The following KIF19 variants were observed in gnomAD, a reference collection of about 807,000 sequenced individuals.
KIF19 encodes kinesin family member 19.
KIF19 carries 98 observed loss-of-function variants against 106.6 expected under a neutral mutation model. That is an observed-to-expected ratio of 0.92 (90% confidence interval 0.78 to 1.09). The LOEUF (loss-of-function observed/expected upper bound fraction) is 1.09. Among genes scored for constraint, KIF19 ranks in the 50% least tolerant of loss-of-function variants. The pLI, the probability that KIF19 is intolerant of heterozygous loss-of-function variation, is 0.00. For synonymous variants in KIF19, 516 were observed against 584.2 expected (o/e 0.88, Z 1.68); for missense variants, 1,373 against 1,414.3 (o/e 0.97, Z 0.47).
intron 8 of KIF19, among the ~76,000 whole-genome samples, chr17:74,347,169 T>G (rs900232920): frequency 6.6e-6 from 1 of 152,114 alleles, no homozygotes; most frequent in Non-Finnish European, 1.5e-5. Context: ...TACTTAACAT[T>G]GCCAGCAGCT....
Position 74,353,131 on chromosome 17 carries a change from G to A in KIF19, c.2115-65G>A, listed in dbSNP as rs553294452. 23 of 1,455,086 alleles carry A rather than the reference G, an allele frequency of 1.6e-5. No individual in the cohort carries two copies. In the African/African-American group the frequency reaches 2.7e-4, roughly 17 times the overall value. The allele number at this position is 1,455,086 out of a possible 1,614,324, so 90.1% of individuals were successfully genotyped here. On this transcript the variant is annotated intron_variant, in intron 15 of 19. Transcript: ENST00000389916. ...TCACACCAACAGCTTCTCCCCTGGG[G>A]TGGGGGTGGGACCTCGGTGAGATAG...
chr17:74,347,849 T>C lies in KIF19; in HGVS notation c.997T>C (p.Ser333Pro). 6.3e-7 allele frequency: 1 copy of C among 1,586,508 alleles called. No homozygotes were observed. Among genetic ancestry groups the C allele is most frequent in the Non-Finnish European group, 8.6e-7 (1 of 1,167,044 alleles). The change falls in exon 9 of 20, where the codon TCC (serine) becomes CCC (proline). Residue 333 changes from serine (S) to proline (P), a missense_variant. Ser to Pro is a moderately conservative substitution (Grantham distance 74). Coordinates refer to ENST00000389916, the MANE Select transcript of KIF19 (RefSeq NM_153209.4). ...ISPASSAFEE[S>P]RNTLTYAGRA... The stretch of plus-strand genomic sequence containing the variant: ...TCCTGCGAGCAGTGCCTTCGAGGAG[T>C]CCCGGAACACCCTGACCTACGCCGG...
In KIF19 at chr17:74,352,062, G is replaced by C. The variant is rs765594827; in HGVS notation, c.1783G>C (p.Glu595Gln). Reference protein sequence around the residue: ...LRDGALRHRHEAVRRLEQHRS... With the variant: ...LRDGALRHRHQAVRRLEQHRS... ...CGACGGTGCGCTCCGCCACCGCCACGAGGCCGTGCGCCGCCTGGAGCAGCA... is the reference window on the plus strand; with the variant it reads ...CGACGGTGCGCTCCGCCACCGCCACCAGGCCGTGCGCCGCCTGGAGCAGCA... Residue 595 changes from glutamate (E) to glutamine (Q), a missense_variant, in exon 13 of 20, where the codon GAG (glutamate) becomes CAG (glutamine). By Grantham distance (29) the Glu-to-Gln change is conservative (BLOSUM62 2). This residue lies in a region of KIF19 where 1,020 missense variants were observed against 1,008.2 expected (regional missense o/e 1.01). Transcript: ENST00000389916. The C allele has an allele frequency of 1.9e-6, 3 of 1,589,676 alleles. No homozygotes were observed. Among genetic ancestry groups the C allele is most frequent in the Admixed American group, 1.7e-5 (1 of 57,952 alleles).
In KIF19 at chr17:74,331,288, G is replaced by C. The variant is rs1374760979; in HGVS notation, c.120+2783G>C. On this transcript the variant is annotated intron_variant, in intron 2 of 19. Transcript: ENST00000389916. The surrounding 1 kb of genome is among the most constrained non-coding windows in gnomAD (Gnocchi z 4.1). ...GTCAAAGCTCTGTCCTTCCTCCTAA[G>C]GCCTGGAGGCACCATGGACAGGTGG... Among the ~76,000 whole-genome samples, 1 of 152,102 alleles carries C rather than the reference G, an allele frequency of 6.6e-6. No homozygotes were observed. Among genetic ancestry groups the C allele is most frequent in the Non-Finnish European group, 1.5e-5 (1 of 68,022 alleles).
chr17:74,355,156 T>C, intron 19 of KIF19, 26 bp from the exon 20 acceptor site: 1 of 1,569,872 alleles, frequency 6.4e-7, no homozygotes, highest in Non-Finnish European at 8.7e-7. Flanking sequence ...CCGAAACCAC[T>C]GATCCTGCCC....
chr17:74,347,978 C>T, intron 9 of KIF19, 79 bp downstream of exon 9: 1 of 1,485,466 alleles, frequency 6.7e-7, no homozygotes, highest in East Asian at 2.5e-5. Flanking sequence ...CCTGCCACCC[C>T]ACTGCACTCT....
chr17:74,337,449 T>C (rs1040166826), intron 2 of KIF19, among the ~76,000 whole-genome samples: 8 of 152,040 alleles, frequency 5.3e-5, no homozygotes, highest in Non-Finnish European at 8.8e-5. Flanking sequence ...GAGTGGAAGG[T>C]GAAGCTCCAG....
intron 2 of KIF19, among the ~76,000 whole-genome samples, chr17:74,339,927 G>A (rs867464630): frequency 1.1e-4 from 16 of 152,154 alleles, no homozygotes; most frequent in South Asian, 2.1e-4. Context: ...TGTGGGTCTC[G>A]ACTTGATGGC....
At position 74,351,909 on chromosome 17, in the gene KIF19, C is replaced by G. The variant is rs2054713134; in HGVS notation, c.1630C>G (p.Arg544Gly). Residue 544 changes from arginine to glycine, a missense_variant, in exon 13 of 20, where the codon CGG becomes GGG. Physicochemically the swap from Arg to Gly is moderately radical, Grantham distance 125. Transcript: ENST00000389916. Reference sequence around the variant, plus strand: ...CTGCCGGGAGCTGCGCGCGCGGGGCCGGCGCCTGGAGGAGACGCTGCCGCG... The same window carrying G: ...CTGCCGGGAGCTGCGCGCGCGGGGCGGGCGCCTGGAGGAGACGCTGCCGCG... ...QRCRELRARGRRLEETLPRRI... is the reference protein window; with the variant it reads ...QRCRELRARGGRLEETLPRRI... 2 of 1,424,902 alleles carry G rather than the reference C, an allele frequency of 1.4e-6. No individual in the cohort carries two copies. Among genetic ancestry groups the G allele is most frequent in the South Asian group, 1.4e-5 (1 of 68,976 alleles). The allele number at this position is 1,424,902 out of a possible 1,614,324, so 88.3% of individuals were successfully genotyped here. A position where few individuals can be genotyped will look rare whatever the true frequency, so the allele number is the denominator to read the frequency against.
intron 8 of KIF19, among the ~76,000 whole-genome samples, chr17:74,347,199 GA>G (rs2054556581): frequency 6.6e-6 from 1 of 152,160 alleles, no homozygotes; most frequent in African/African-American, 2.4e-5. Flanking sequence ...ACTGCACCTA[GA>G]AGCCGGGGAG....
chr17:74,333,560 C>G (rs1035797946), intron 2 of KIF19, among the ~76,000 whole-genome samples: 2 of 152,086 alleles, frequency 1.3e-5, no homozygotes, highest in African/African-American at 4.8e-5. Flanking sequence ...CGGGTTTCCT[C>G]ATGTTGGCCA....
At position 74,349,286 on chromosome 17, in the gene KIF19, G is replaced by A. The variant is rs1217835794; in HGVS notation, c.1150G>A (p.Glu384Lys). Residue 384 changes from glutamate (E) to lysine (K), a missense_variant, in exon 10 of 20, where the codon GAG becomes AAG. This residue lies in a region of KIF19 where 1,020 missense variants were observed against 1,008.2 expected (regional missense o/e 1.01). Coordinates refer to ENST00000389916, the MANE Select transcript of KIF19 (RefSeq NM_153209.4). ...CCAGCGACTCAAGCGCAAGATTGAT[G>A]AGCAGACTGGGCGGGGCCAGGCCCG... ...EIQRLKRKID[E>K]QTGRGQARGR... 2 of 1,613,010 alleles carry A rather than the reference G, an allele frequency of 1.2e-6. No individual in the cohort carries two copies. Among genetic ancestry groups the A allele is most frequent in the Admixed American group, 3.3e-5 (2 of 59,970 alleles).
Position 74,353,524 on chromosome 17 carries a change from A to G in KIF19, c.2251A>G (p.Ile751Val). The G allele has an allele frequency of 6.2e-7, 1 of 1,613,872 alleles. No homozygotes were observed. The highest frequency in any genetic ancestry group is 8.5e-7 in the Non-Finnish European group (1 of 1,179,882). The change falls in exon 17 of 20, where the codon ATC becomes GTC. Residue 751 changes from isoleucine (I) to valine (V), a missense_variant. This residue lies in a region of KIF19 where 1,020 missense variants were observed against 1,008.2 expected (regional missense o/e 1.01). Transcript: ENST00000389916. ...APAQDSLGSW[I>V]NSSPDSSENL... ...GGCTCAGGACAGCCTGGGCAGCTGG[A>G]TCAACTCTTCCCCTGACAGCAGTGA...
chr17:74,346,401 G>A lies in KIF19; in HGVS notation c.801G>A (p.Met267Ile), dbSNP rs916562227. Residue 267 changes from methionine (M) to isoleucine (I), a missense_variant, in exon 8 of 20, where the codon ATG (methionine) becomes ATA (isoleucine). This residue lies in a region of KIF19 where 348 missense variants were observed against 389.5 expected (regional missense o/e 0.89). Transcript: ENST00000389916. This position sits in a 1 kb window ranked among gnomAD's most constrained non-coding sequence, Gnocchi z 4.6. ...ASQTQNRGQR[M>I]KEGAHINRSL... The stretch of plus-strand genomic sequence containing the variant: ...AGACACAGAATCGTGGGCAGCGTAT[G>A]AAGGAGGGGGCCCACATCAACCGCT... 1 of 1,576,390 alleles carries A rather than the reference G, an allele frequency of 6.3e-7. No individual in the cohort carries two copies.
intron 14 of KIF19, among the ~76,000 whole-genome samples, 184 bp from the exon 15 acceptor site, chr17:74,352,637 G>A (rs1318154547): frequency 6.6e-6 from 1 of 152,200 alleles, no homozygotes; most frequent in Non-Finnish European, 1.5e-5. Flanking sequence ...GCATCAGGCA[G>A]TGCCACTGGG....
At chr17:74,326,748 C>T (rs908827283) in intron 1 of KIF19, among the ~76,000 whole-genome samples, 3 of 152,114 alleles carry the variant, frequency 2.0e-5, no homozygotes, top group African/African-American at 4.8e-5. Flanking sequence ...AGGAGGGTGG[C>T]GGTTTCCCAG....
In KIF19 at chr17:74,354,569, G is replaced by A. The variant is rs1216630707; in HGVS notation, c.2706+10G>A. Reference sequence around the variant, plus strand: ...GGTCACCGGGCAAGGGGTGAGGCGAGGCGCAGGGGTGGGTGTCTAGGCACT... The same window carrying A: ...GGTCACCGGGCAAGGGGTGAGGCGAAGCGCAGGGGTGGGTGTCTAGGCACT... On this transcript the variant is annotated intron_variant, in intron 18 of 19. Transcript: ENST00000389916. 2 of 1,584,350 alleles carry A rather than the reference G, an allele frequency of 1.3e-6. No individual in the cohort carries two copies. Among genetic ancestry groups the A allele is most frequent in the East Asian group, 2.3e-5 (1 of 43,680 alleles).
intron 5 of KIF19, among the ~76,000 whole-genome samples, chr17:74,343,780 G>T (rs569324746): frequency 6.6e-6 from 1 of 152,202 alleles, no homozygotes; most frequent in Non-Finnish European, 1.5e-5. Flanking sequence ...CTCGCTTTAC[G>T]GGGTGGGGGT....
intron 2 of KIF19, among the ~76,000 whole-genome samples, chr17:74,332,602 G>C (rs79019203): frequency 0.021 from 3,123 of 152,272 alleles, 108 homozygotes; most frequent in African/African-American, 0.072. Context: ...CTGCTCCCGG[G>C]GTGCTGTAGA....
Sources: gnomAD v4.1 joint callset for allele counts (sites outside exome capture counted in the v4.1 genomes callset) on GRCh38, gnomAD v4.1.1 for gene constraint, gnomAD v4.1.1 regional missense constraint, Gnocchi (gnomAD v3.1) non-coding constraint, MANE v1.5 for transcripts, NCBI Gene and HGNC (gene_info 2026-07-23, HGNC 2026-07-21) for gene names.